CALHM3: variants seen among roughly 807,000 people sequenced by gnomAD.
The protein encoded by CALHM3 is calcium homeostasis modulator 3, also known as calcium homeostasis modulator protein 3.
A neutral mutation model predicts 13.6 loss-of-function variants in CALHM3; 9 were observed. That is an observed-to-expected ratio of 0.66 (90% CI 0.40 to 1.15). The LOEUF (loss-of-function observed/expected upper bound fraction) is 1.15. CALHM3 is among the 50% of genes most tolerant of loss of function. The pLI is 0.01. For synonymous variants in CALHM3, 231 were observed against 213.2 expected, an observed-to-expected ratio of 1.08 and a Z score of -0.73; for missense variants, 497 against 463.4, an observed-to-expected ratio of 1.07 and a Z score of -0.67.
In CALHM3 at chr10:103,478,781, G is replaced by A. The variant is rs1340025062; in HGVS notation, c.252C>T (p.Pro84=). 3.9e-6 allele frequency: 6 copies of A among 1,547,006 alleles called. No homozygotes were observed. The highest frequency in any genetic ancestry group is 2.4e-5 in the East Asian group (1 of 40,830). Residue 84 remains proline (P), a synonymous_variant, in exon 1 of 3, where the codon CCC becomes CCT. Transcript: ENST00000369783. ...CTGGGTCCTTCCTCCGGTGCCCTGC[G>A]GGCCGGCGCCACTCCTCGACCATCA... ...SVVMVEEWRR[P]AGHRRKDPGI...
intron 2 of CALHM3, among the ~76,000 whole-genome samples, chr10:103,474,379 C>A (rs2033364572): frequency 6.6e-6 from 1 of 151,202 alleles, no homozygotes; most frequent in African/African-American, 2.4e-5. Flanking sequence ...ATATGCTCCT[C>A]CTTCCTTCCC....
Position 103,478,802 on chromosome 10 carries a change from C to T in CALHM3, c.231G>A (p.Met77Ile). ...CTGCGGGCCGGCGCCACTCCTCGACCATCACCACAGACTGCCGGTTGGCGA... is the reference window on the plus strand; with the variant it reads ...CTGCGGGCCGGCGCCACTCCTCGACTATCACCACAGACTGCCGGTTGGCGA... ...GLLANRQSVVMVEEWRRPAGH... is the reference protein window; with the variant it reads ...GLLANRQSVVIVEEWRRPAGH... The change falls in exon 1 of 3, where the codon ATG becomes ATA. Residue 77 changes from methionine to isoleucine, a missense_variant. Met to Ile is a conservative substitution (Grantham distance 10). Transcript: ENST00000369783. 1.3e-6 allele frequency: 2 copies of T among 1,551,324 alleles called. No homozygotes were observed. The highest frequency in any genetic ancestry group is 1.7e-6 in the Non-Finnish European group (2 of 1,146,900).
In CALHM3 at chr10:103,478,968, A is replaced by T; in HGVS notation, c.65T>A (p.Ile22Asn). 6.4e-7 allele frequency: 1 copy of T among 1,551,724 alleles called. No homozygotes were observed. Among genetic ancestry groups the T allele is most frequent in the Non-Finnish European group, 8.7e-7 (1 of 1,146,996 alleles). The change falls in exon 1 of 3, where the codon ATC becomes AAC. Residue 22 changes from isoleucine (I) to asparagine (N), a missense_variant. Coordinates refer to ENST00000369783, the MANE Select transcript of CALHM3 (RefSeq NM_001129742.2). ...QSSSESVMNG[I>N]CLLLAAVTVK... ...GGTGACCGCAGCCAGCAGCAGGCAG[A>T]TGCCATTCATCACCGACTCCGAGCT... is the stretch of plus-strand genomic sequence containing the variant.
intron 2 of CALHM3, among the ~76,000 whole-genome samples, chr10:103,475,253 A>G (rs2033375596): frequency 6.6e-6 from 1 of 152,202 alleles, no homozygotes; most frequent in Non-Finnish European, 1.5e-5. Flanking sequence ...CATTTACAGA[A>G]GTGATTTCCA....
At position 103,473,613 on chromosome 10, in the gene CALHM3, T is replaced by G. The variant is rs1480736916; in HGVS notation, c.635A>C (p.Gln212Pro). ...RPCFDQTVFL[Q>P]RRYWSNYVDL... ...CACGTAGTTGCTCCAGTATCTGCGC[T>G]GCAGGAAGACTGTCTGGTCGAAGCA... The change falls in exon 3 of 3, where the codon CAG becomes CCG. Residue 212 changes from glutamine (Q) to proline (P), a missense_variant. Gln to Pro is a moderately conservative substitution (Grantham distance 76). Transcript: ENST00000369783. 2 of 1,551,224 alleles carry G rather than the reference T, an allele frequency of 1.3e-6. No homozygotes were observed. Among genetic ancestry groups the G allele is most frequent in the Admixed American group, 2.0e-5 (1 of 50,990 alleles).
intron 1 of CALHM3, among the ~76,000 whole-genome samples, chr10:103,477,609 G>A (rs976742746): frequency 6.6e-6 from 1 of 151,994 alleles, no homozygotes; most frequent in Non-Finnish European, 1.5e-5. Context: ...TTGCTCTGTC[G>A]CACAGGCTGG....
intron 2 of CALHM3, among the ~76,000 whole-genome samples, chr10:103,474,751 G>A (rs930853747): frequency 5.3e-5 from 8 of 152,072 alleles, no homozygotes; most frequent in Non-Finnish European, 1.2e-4. Context: ...CACCACGCCC[G>A]GCCCCCCTCA....
intron 1 of CALHM3, among the ~76,000 whole-genome samples, chr10:103,477,955 G>A (rs542361750): frequency 6.6e-6 from 1 of 152,082 alleles, no homozygotes; most frequent in Admixed American, 6.6e-5. Flanking sequence ...GTGGGTCATA[G>A]AAACCAGAAC....
chr10:103,475,228 T>C (rs2033375291), intron 2 of CALHM3, among the ~76,000 whole-genome samples: 1 of 152,178 alleles, frequency 6.6e-6, no homozygotes, highest in African/African-American at 2.4e-5. Context: ...CACAGGGACA[T>C]ATTTGAATCC....
intron 2 of CALHM3, among the ~76,000 whole-genome samples, chr10:103,475,817 TC>T (rs1360693263): frequency 2.0e-5 from 3 of 152,086 alleles, no homozygotes; most frequent in Non-Finnish European, 4.4e-5. Flanking sequence ...CTGGGGTTTG[TC>T]CCCCAAGATA....
intron 1 of CALHM3, among the ~76,000 whole-genome samples, chr10:103,478,418 G>A (rs2033414658): frequency 6.6e-6 from 1 of 152,244 alleles, no homozygotes; most frequent in Non-Finnish European, 1.5e-5. Context: ...AGAGGGCAAA[G>A]AGGAAGTTTT....
At position 103,478,819 on chromosome 10, in the gene CALHM3, G is replaced by C; in HGVS notation, c.214C>G (p.Arg72Gly). ...TCCTCGACCATCACCACAGACTGCC[G>C]GTTGGCGAGGAGGCCGCAGAGAAAC... ...ALFLCGLLAN[R>G]QSVVMVEEWR... is the part of the protein sequence containing the mutation. Residue 72 changes from arginine (R) to glycine (G), a missense_variant, in exon 1 of 3, where the codon CGG becomes GGG. Coordinates refer to ENST00000369783, the MANE Select transcript of CALHM3 (RefSeq NM_001129742.2). 1 of 1,551,520 alleles carries C rather than the reference G, an allele frequency of 6.4e-7. No homozygotes were observed. The highest frequency in any genetic ancestry group is 8.7e-7 in the Non-Finnish European group (1 of 1,146,994).
At position 103,478,949 on chromosome 10, in the gene CALHM3, C is replaced by T. The variant is rs1270414751; in HGVS notation, c.84G>A (p.Ala28=). Residue 28 remains alanine (A), a synonymous_variant, in exon 1 of 3, where the codon GCG becomes GCA. Coordinates refer to ENST00000369783, the MANE Select transcript of CALHM3 (RefSeq NM_001129742.2). The part of the protein sequence containing the change: ...VMNGICLLLA[A]VTVKLYSSFD... ...AGGAGGAGTACAGCTTGACGGTGAC[C>T]GCAGCCAGCAGCAGGCAGATGCCAT... 37 of 1,551,584 alleles carry T rather than the reference C, an allele frequency of 2.4e-5. No individual in the cohort carries two copies. The highest frequency in any genetic ancestry group is 3.9e-5 in the Admixed American group (2 of 50,990).
rs780829611 is a variant in CALHM3, at chr10:103,473,343, A to T, written c.905T>A (p.Leu302Gln). ...CGGCTTGCTGGAGTACCACGTGCTTAGGAGGCGGTCCACCTGCTCCCGGCT... is the reference window on the plus strand; with the variant it reads ...CGGCTTGCTGGAGTACCACGTGCTTTGGAGGCGGTCCACCTGCTCCCGGCT... ...ISSREQVDRL[L>Q]STWYSSKPPL... is the part of the protein sequence containing the mutation. The change falls in exon 3 of 3, where the codon CTA becomes CAA. Residue 302 changes from leucine to glutamine, a missense_variant. Physicochemically the swap from Leu to Gln is moderately radical, Grantham distance 113. Transcript: ENST00000369783. 8.0e-5 allele frequency: 121 copies of T among 1,505,340 alleles called. No homozygotes were observed. The highest frequency in any genetic ancestry group is 9.7e-5 in the Non-Finnish European group (109 of 1,121,518). 93.2% of individuals were successfully genotyped at this position (1,505,340 alleles called of 1,614,324 possible). A position where few individuals can be genotyped will look rare whatever the true frequency, so the allele number is the denominator to read the frequency against.
intron 1 of CALHM3, among the ~76,000 whole-genome samples, chr10:103,477,626 G>A (rs932862848): frequency 2.6e-5 from 4 of 152,236 alleles, no homozygotes; most frequent in South Asian, 4.1e-4. Flanking sequence ...CTGGAGTGCA[G>A]TGGCACGATT....
Position 103,478,730 on chromosome 10 carries a change from T to C in CALHM3, c.287+16A>G. 2 of 1,497,640 alleles carry C rather than the reference T, an allele frequency of 1.3e-6. No individual in the cohort carries two copies. The allele number at this position is 1,497,640 out of a possible 1,614,324, so 92.8% of individuals were successfully genotyped here. A position where few individuals can be genotyped will look rare whatever the true frequency, so the allele number is the denominator to read the frequency against. On this transcript the variant is annotated intron_variant, in intron 1 of 2. Transcript: ENST00000369783. ...CTGGCAAAGCTCATGGGTCACTGAG[T>C]GGTGTGGGACCGCACCTGATGATGC... is the stretch of plus-strand genomic sequence containing the variant.
chr10:103,477,393 G>A (rs1034172441), intron 1 of CALHM3, among the ~76,000 whole-genome samples: 4 of 152,166 alleles, frequency 2.6e-5, no homozygotes, highest in African/African-American at 9.7e-5. Context: ...CAGCTGAATT[G>A]CAGGGAGATG....
rs1285848128 is a variant in CALHM3 at position 103,476,504 on chromosome 10, CA to C, written c.332del (p.Leu111ArgfsTer33). On this transcript the variant is annotated frameshift_variant, in exon 2 of 3. Coordinates refer to ENST00000369783, the MANE Select transcript of CALHM3 (RefSeq NM_001129742.2). LOFTEE classifies it high-confidence loss of function. ...SVLQRALAAP[L>X]VWILLALLDG... ...CAAGGAGGGCCAGCAGGATCCAGACCAGGGGGGCGGCCAGCGCCCTCTGCAG... is the reference window on the plus strand; with the variant it reads ...CAAGGAGGGCCAGCAGGATCCAGACCGGGGGGCGGCCAGCGCCCTCTGCAG... 5.2e-6 allele frequency: 8 copies of C among 1,551,618 alleles called. No individual in the cohort carries two copies. The highest frequency in any genetic ancestry group is 4.9e-5 in the East Asian group (2 of 40,912).
intron 1 of CALHM3, among the ~76,000 whole-genome samples, chr10:103,477,550 G>A (rs1367175043): frequency 6.6e-6 from 1 of 152,108 alleles, no homozygotes; most frequent in African/African-American, 2.4e-5. Context: ...TATGTTCTAG[G>A]CAGTGGTGGC....
Sources: gnomAD v4.1 joint callset for allele counts (sites outside exome capture counted in the v4.1 genomes callset) on GRCh38, gnomAD v4.1.1 for gene constraint, MANE v1.5 for transcripts, NCBI Gene and HGNC (gene_info 2026-07-23, HGNC 2026-07-21) for gene names.